PHYHIPL: variants seen among roughly 807,000 people sequenced by gnomAD.
The protein encoded by PHYHIPL is phytanoyl-CoA 2-hydroxylase interacting protein like.
PHYHIPL carries 9 observed loss-of-function variants against 33.4 expected under a neutral mutation model. The observed-to-expected ratio is 0.27, with a 90% confidence interval of 0.16 to 0.47. The LOEUF (loss-of-function observed/expected upper bound fraction) is 0.47, where lower values mean the gene tolerates loss of function less well. Ranked by LOEUF, PHYHIPL falls within the 20% of genes least tolerant of loss-of-function variation. The pLI, the probability that PHYHIPL is intolerant of heterozygous loss-of-function variation, is 0.99. For synonymous variants in PHYHIPL, 153 were observed against 154.1 expected (o/e 0.99, Z 0.05); for missense variants, 365 against 460.7 (o/e 0.79, Z 1.90).
At chr10:59,243,127 G>C (rs1201086848) in intron 4 of PHYHIPL, among the ~76,000 whole-genome samples, 2 of 134,998 alleles carry the variant, frequency 1.5e-5, no homozygotes, top group Non-Finnish European at 3.1e-5. Context: ...GCAGGCCAAA[G>C]GAAAAAAAAA....
intron 4 of PHYHIPL, 147 bp downstream of exon 4, chr10:59,238,852 T>A (rs1327988384): frequency 7.4e-6 from 4 of 543,502 alleles, no homozygotes; most frequent in Non-Finnish European, 1.3e-5. Flanking sequence ...TCCAGAAAAA[T>A]TAAGTAGAAA....
intron 1 of PHYHIPL, chr10:59,221,753 TA>T: frequency 1.1e-6 from 1 of 879,776 alleles, no homozygotes; most frequent in Non-Finnish European, 1.4e-6. Context: ...CTCAAATCTC[TA>T]AAATCCCTGA....
intron 1 of PHYHIPL, among the ~76,000 whole-genome samples, chr10:59,205,866 G>A (rs1428118157): frequency 3.9e-5 from 6 of 152,072 alleles, no homozygotes; most frequent in South Asian, 2.1e-4. Flanking sequence ...TCTGGCTTTC[G>A]TAATATAAAT....
chr10:59,176,457 G>A (rs1486799595), upstream of PHYHIPL: 1 of 154,720 alleles, frequency 6.5e-6, no homozygotes, highest in African/African-American at 2.4e-5. Flanking sequence ...AGTGGCTGGA[G>A]GGCAGGTGGG....
intron 1 of PHYHIPL, among the ~76,000 whole-genome samples, chr10:59,196,317 T>C (rs1838913126): frequency 6.6e-6 from 1 of 151,216 alleles, no homozygotes; most frequent in South Asian, 2.1e-4. Context: ...AATTTTAAAT[T>C]GCTATTTTGC....
In PHYHIPL at chr10:59,183,139, CT is replaced by C. The variant is rs879599670; in HGVS notation, c.106+6190del. On this transcript the variant is annotated intron_variant, in intron 1 of 4. Transcript: ENST00000373880. ...ATTACCCACTGATATTCTTTTGAGG[CT>C]TTTTTTTTTCTTCATTCTCACTCCT... 8.8e-4 allele frequency among the ~76,000 whole-genome samples: 130 copies of C among 147,728 alleles called. 1 individual carries two copies. Among genetic ancestry groups the C allele is most frequent in the East Asian group, 3.6e-3 (18 of 5,064 alleles).
intron 1 of PHYHIPL, among the ~76,000 whole-genome samples, chr10:59,202,594 T>C (rs1419686295): frequency 3.3e-5 from 5 of 152,224 alleles, no homozygotes; most frequent in African/African-American, 1.2e-4. Flanking sequence ...GGTGTGCTTA[T>C]ACAGCTTTGA....
chr10:59,205,340 G>A (rs939148652), intron 1 of PHYHIPL, among the ~76,000 whole-genome samples: 1 of 151,888 alleles, frequency 6.6e-6, no homozygotes, highest in African/African-American at 2.4e-5. Context: ...GGGACCAAAA[G>A]GGAAGTAGTT....
intron 1 of PHYHIPL, among the ~76,000 whole-genome samples, chr10:59,231,965 C>A (rs954897868): frequency 1.3e-5 from 2 of 151,924 alleles, no homozygotes; most frequent in Non-Finnish European, 2.9e-5. Flanking sequence ...TTAATAAAGT[C>A]TTGAGTGTAA....
intron 1 of PHYHIPL, among the ~76,000 whole-genome samples, chr10:59,227,975 G>T (rs1326426611): frequency 2.7e-5 from 4 of 145,490 alleles, no homozygotes; most frequent in African/African-American, 1.1e-4. Context: ...TGCCTATTGA[G>T]ATATATATAT....
intron 1 of PHYHIPL, among the ~76,000 whole-genome samples, chr10:59,199,787 G>T (rs1255989697): frequency 1.3e-5 from 2 of 152,088 alleles, no homozygotes; most frequent in Admixed American, 6.5e-5. Flanking sequence ...TTGTAAGTTG[G>T]ATTCCTAGGT....
chr10:59,223,736 G>A (rs533817163), intron 1 of PHYHIPL, among the ~76,000 whole-genome samples: 13 of 151,988 alleles, frequency 8.6e-5, no homozygotes, highest in African/African-American at 3.1e-4. Context: ...ATGGCTCACT[G>A]CAGCCTTGAC....
chr10:59,224,023 A>G (rs1276704317), intron 1 of PHYHIPL, among the ~76,000 whole-genome samples: 1 of 152,210 alleles, frequency 6.6e-6, no homozygotes, highest in Non-Finnish European at 1.5e-5. Context: ...GTGAATAAAA[A>G]GTAGGTAATT....
At chr10:59,231,103 A>G (rs1388827862) in intron 1 of PHYHIPL, among the ~76,000 whole-genome samples, 1 of 7,338 alleles carries the variant, frequency 1.4e-4, no homozygotes, top group African/African-American at 2.0e-4. Context: ...AGAAGAAAAA[A>G]ACAATTTTTT....
upstream of PHYHIPL, among the ~76,000 whole-genome samples, chr10:59,174,215 T>C (rs1221034058): frequency 6.6e-6 from 1 of 152,030 alleles, no homozygotes; most frequent in Non-Finnish European, 1.5e-5. Flanking sequence ...ACAGTAAAAA[T>C]GTTTCTGGTG....
intron 1 of PHYHIPL, among the ~76,000 whole-genome samples, chr10:59,225,187 A>T (rs942244671): frequency 6.7e-6 from 1 of 149,622 alleles, no homozygotes; most frequent in African/African-American, 2.4e-5. Flanking sequence ...AATAAAACTT[A>T]TGTAAGGATT....
rs142781426 is a variant in PHYHIPL at position 59,207,133 on chromosome 10, TG to T, written c.107-27169del. Reference sequence around the variant, plus strand: ...TACTTAAGAATATCACAGAGGTGGCTGGCAAGATGGCAGCATAGGAACAGCT... The same window carrying T: ...TACTTAAGAATATCACAGAGGTGGCTGCAAGATGGCAGCATAGGAACAGCT... On this transcript the variant is annotated intron_variant, in intron 1 of 4. Transcript: ENST00000373880. Among the ~76,000 whole-genome samples the T allele has an allele frequency of 3.3e-3, 497 of 152,314 alleles. 3 individuals carry two copies. Among genetic ancestry groups the T allele is most frequent in the African/African-American group, 0.011 (458 of 41,584 alleles).
At chr10:59,190,315 A>G (rs1469292540) in intron 1 of PHYHIPL, among the ~76,000 whole-genome samples, 1 of 151,946 alleles carries the variant, frequency 6.6e-6, no homozygotes, top group African/African-American at 2.4e-5. Context: ...TTTTCAGGAT[A>G]TTCTTCAAAT....
chr10:59,213,761 C>CA, intron 1 of PHYHIPL, among the ~76,000 whole-genome samples: 1 of 151,822 alleles, frequency 6.6e-6, no homozygotes, highest in East Asian at 1.9e-4. Context: ...TGATTTTAAA[C>CA]AAAAAACAAA....
Sources: allele counts gnomAD v4.1 joint callset (sites outside exome capture counted in the v4.1 genomes callset), GRCh38; gene constraint gnomAD v4.1.1; transcripts MANE v1.5; gene names NCBI Gene and HGNC (gene_info 2026-07-23, HGNC 2026-07-21).